Variants in CLINT1 observed in about 807,000 individuals in gnomAD.
CLINT1 encodes clathrin interacting protein localized in the trans-Golgi region.
In CLINT1, 15 loss-of-function variants were observed where a neutral mutation model predicts 70.4. That is an observed-to-expected ratio of 0.21 (90% CI 0.14 to 0.33). The LOEUF (loss-of-function observed/expected upper bound fraction) is 0.33. Among genes scored for constraint, CLINT1 ranks in the 10% least tolerant of loss-of-function variants. The pLI, the probability that CLINT1 is intolerant of heterozygous loss-of-function variation, is 1.00. For missense variants in CLINT1, 615 were observed against 778.1 expected, an observed-to-expected ratio of 0.79 and a Z score of 2.49; for synonymous variants, 227 against 254.7, an observed-to-expected ratio of 0.89 and a Z score of 1.04.
intron 1 of CLINT1, among the ~76,000 whole-genome samples, chr5:157,833,162 C>T (rs1273513728): frequency 6.6e-6 from 1 of 151,114 alleles, no homozygotes; most frequent in Non-Finnish European, 1.5e-5. Context: ...ACCAGCCTGG[C>T]CAACACGGTG....
At chr5:157,851,288 C>T (rs1043819050) in intron 1 of CLINT1, among the ~76,000 whole-genome samples, 1 of 152,082 alleles carries the variant, frequency 6.6e-6, no homozygotes, top group African/African-American at 2.4e-5. Flanking sequence ...ACGTTTACCA[C>T]ATAATGATGA....
chr5:157,832,253 G>A (rs1278654386), intron 1 of CLINT1, among the ~76,000 whole-genome samples: 1 of 152,228 alleles, frequency 6.6e-6, no homozygotes, highest in African/African-American at 2.4e-5. Context: ...AAAGTGCTGG[G>A]ATTATAGGCT....
intron 11 of CLINT1, among the ~76,000 whole-genome samples, chr5:157,789,139 A>G (rs998986600): frequency 1.3e-5 from 2 of 152,206 alleles, no homozygotes; most frequent in Admixed American, 6.5e-5. Flanking sequence ...AAAACTCTCC[A>G]CAATACAATA....
chr5:157,849,209 T>C (rs1004526223), intron 1 of CLINT1, among the ~76,000 whole-genome samples: 1 of 152,216 alleles, frequency 6.6e-6, no homozygotes, highest in Non-Finnish European at 1.5e-5. Context: ...GAAAACTTCA[T>C]TGTTATTTTA....
intron 10 of CLINT1, chr5:157,789,828 G>A: frequency 2.2e-6 from 1 of 447,142 alleles, no homozygotes; most frequent in Non-Finnish European, 4.0e-6. Context: ...ACCATCCCTG[G>A]CAAATGCCCA....
At chr5:157,855,157 C>CGGGG (rs11454770) in intron 1 of CLINT1, among the ~76,000 whole-genome samples, 12 of 8,158 alleles carry the variant, frequency 1.5e-3, no homozygotes, top group African/African-American at 2.9e-3. Flanking sequence ...AAAAAAAAGG[C>CGGGG]GGGGGGGGGG....
chr5:157,819,807 C>G (rs1353647514), intron 1 of CLINT1, among the ~76,000 whole-genome samples: 1 of 152,192 alleles, frequency 6.6e-6, no homozygotes, highest in African/African-American at 2.4e-5. Flanking sequence ...AATCTCCAGT[C>G]CATGTACATG....
intron 10 of CLINT1, chr5:157,790,499 C>A: frequency 3.1e-6 from 1 of 323,950 alleles, no homozygotes; most frequent in South Asian, 2.6e-5. Flanking sequence ...TGTACCAATG[C>A]AAAGAATTAT....
chr5:157,796,806 A>G (rs1762081025), intron 8 of CLINT1, among the ~76,000 whole-genome samples: 1 of 152,126 alleles, frequency 6.6e-6, no homozygotes, highest in Non-Finnish European at 1.5e-5. Context: ...TTTCTTTTTA[A>G]TGCATATTTA....
rs192703871 is a variant in CLINT1 at position 157,806,639 on chromosome 5, C to T, written c.696-527G>A. On this transcript the variant is annotated intron_variant, in intron 6 of 11. Coordinates refer to ENST00000411809, the MANE Select transcript of CLINT1 (RefSeq NM_014666.4). The stretch of plus-strand genomic sequence containing the variant: ...GCTAAAAAAATCACACATCTTAATT[C>T]GAATAATTAAACTCATCTGTAAATG... Among the ~76,000 whole-genome samples, 243 of 152,028 alleles carry T rather than the reference C, an allele frequency of 1.6e-3. 1 individual carries two copies. The highest frequency in any genetic ancestry group is 2.6e-3 in the Non-Finnish European group (178 of 67,972).
At chr5:157,844,784 T>TG (rs1325444884) in intron 1 of CLINT1, among the ~76,000 whole-genome samples, 1 of 152,244 alleles carries the variant, frequency 6.6e-6, no homozygotes, top group East Asian at 1.9e-4. Context: ...TTTTAAAAGT[T>TG]GGTCACAGAG....
chr5:157,856,869 A>G (rs1044680582), intron 1 of CLINT1, among the ~76,000 whole-genome samples: 4 of 152,206 alleles, frequency 2.6e-5, no homozygotes, highest in South Asian at 2.1e-4. Flanking sequence ...TTTCCTTTAG[A>G]TAACTACTTA....
intron 1 of CLINT1, among the ~76,000 whole-genome samples, chr5:157,852,688 C>T (rs762104401): frequency 6.6e-6 from 1 of 152,176 alleles, no homozygotes; most frequent in Non-Finnish European, 1.5e-5. Flanking sequence ...ATAAGATCAC[C>T]GTTTCTAGTA....
rs1167861245 is a variant in CLINT1 at position 157,809,668 on chromosome 5, A to G, written c.655T>C (p.Phe219Leu). ...GAGTCTTCTCTATCTTTCCTCCGGAACTTGCTGATGGTGTCATCAATTGTG... is the reference window on the plus strand; with the variant it reads ...GAGTCTTCTCTATCTTTCCTCCGGAGCTTGCTGATGGTGTCATCAATTGTG... ...GSTIDDTISKFRRKDREDSPE... is the reference protein window; with the variant it reads ...GSTIDDTISKLRRKDREDSPE... Residue 219 changes from phenylalanine (F) to leucine (L), a missense_variant, in exon 6 of 12, where the codon TTC (phenylalanine) becomes CTC (leucine). Physicochemically the swap from Phe to Leu is conservative, Grantham distance 22. This residue lies in a region of CLINT1 where 241 missense variants were observed against 368.6 expected (regional missense o/e 0.65). Coordinates refer to ENST00000411809, the MANE Select transcript of CLINT1 (RefSeq NM_014666.4). The G allele has an allele frequency of 6.2e-7, 1 of 1,612,966 alleles. No homozygotes were observed. The highest frequency in any genetic ancestry group is 2.2e-5 in the East Asian group (1 of 44,848).
chr5:157,797,405 G>A (rs1762099910), intron 8 of CLINT1, among the ~76,000 whole-genome samples: 1 of 151,944 alleles, frequency 6.6e-6, no homozygotes, highest in South Asian at 2.1e-4. Context: ...CTTTGTTTTT[G>A]AGACGGAGTT....
intron 3 of CLINT1, among the ~76,000 whole-genome samples, chr5:157,815,887 T>C (rs2113214153): frequency 6.6e-6 from 1 of 152,280 alleles, no homozygotes; most frequent in South Asian, 2.1e-4. Flanking sequence ...ACAAATAGAG[T>C]ATTATAATCC....
chr5:157,804,813 G>C (rs1196700739), intron 7 of CLINT1, among the ~76,000 whole-genome samples: 2 of 152,054 alleles, frequency 1.3e-5, no homozygotes, highest in Admixed American at 1.3e-4. Flanking sequence ...TGTAATCTCA[G>C]CTACTCGGGA....
chr5:157,851,008 T>C (rs897423258), intron 1 of CLINT1, among the ~76,000 whole-genome samples: 1 of 152,130 alleles, frequency 6.6e-6, no homozygotes, highest in African/African-American at 2.4e-5. Flanking sequence ...CCCAGGCTAG[T>C]CTTGGACTAC....
At position 157,813,166 on chromosome 5, in the gene CLINT1, A is replaced by G. The variant is rs768617979; in HGVS notation, c.414T>C (p.Phe138=). The G allele has an allele frequency of 2.9e-5, 46 of 1,613,852 alleles. No individual in the cohort carries two copies. The highest frequency in any genetic ancestry group is 3.9e-5 in the Non-Finnish European group (46 of 1,179,846). ...IRQKVKELVE[F]AQDDDRLREE... ...CACGAAGCCTGTCGTCATCCTGGGC[A>G]AATTCAACCAATTCCTTCACCTTCT... The change falls in exon 5 of 12, where the codon TTT becomes TTC. Residue 138 remains phenylalanine (F), a synonymous_variant. Transcript: ENST00000411809.
Sources: gnomAD v4.1 joint callset for allele counts (sites outside exome capture counted in the v4.1 genomes callset) on GRCh38, gnomAD v4.1.1 for gene constraint, gnomAD v4.1.1 regional missense constraint, MANE v1.5 for transcripts, NCBI Gene and HGNC (gene_info 2026-07-23, HGNC 2026-07-21) for gene names.